The following UNC5D variants were observed in gnomAD, a reference collection of about 807,000 sequenced individuals.
UNC5D encodes unc-5 netrin receptor D.
Under a neutral mutation model 105.4 loss-of-function variants are expected in UNC5D, and 39 were observed. The ratio of observed to expected loss-of-function variants is 0.37; its 90% CI spans 0.29 to 0.48. The LOEUF (loss-of-function observed/expected upper bound fraction) is 0.48, where lower values mean the gene tolerates loss of function less well. Among genes scored for constraint, UNC5D ranks in the 20% least tolerant of loss-of-function variants. The pLI, the probability that UNC5D is intolerant of heterozygous loss-of-function variation, is 0.98. For synonymous variants in UNC5D, 452 were observed against 450.4 expected, an observed-to-expected ratio of 1.00 and a Z score of -0.04; for missense variants, 991 against 1,202.4, an observed-to-expected ratio of 0.82 and a Z score of 2.60.
chr8:35,317,398 A>G (rs982900032), intron 1 of UNC5D, among the ~76,000 whole-genome samples: 3 of 152,138 alleles, frequency 2.0e-5, no homozygotes, highest in African/African-American at 7.2e-5. Context: ...GGCTGACTTC[A>G]CTGGCCACAA....
chr8:35,722,992 T>G (rs890742241), intron 9 of UNC5D, among the ~76,000 whole-genome samples: 1 of 152,206 alleles, frequency 6.6e-6, no homozygotes, highest in African/African-American at 2.4e-5. Flanking sequence ...CTGTATCATG[T>G]CATTTTCAAA....
At chr8:35,469,759 A>G (rs927210375) in intron 1 of UNC5D, among the ~76,000 whole-genome samples, 1 of 152,240 alleles carries the variant, frequency 6.6e-6, no homozygotes, top group Admixed American at 6.5e-5. Flanking sequence ...TGAGGTTTTC[A>G]GCTCAAAATC....
chr8:35,343,003 G>C (rs1811561638), intron 1 of UNC5D, among the ~76,000 whole-genome samples: 1 of 152,024 alleles, frequency 6.6e-6, no homozygotes, highest in African/African-American at 2.4e-5. Flanking sequence ...CAGAATCACG[G>C]GGAGGTCTTA....
At chr8:35,408,001 C>T (rs1804917100) in intron 1 of UNC5D, among the ~76,000 whole-genome samples, 1 of 152,030 alleles carries the variant, frequency 6.6e-6, no homozygotes, top group East Asian at 1.9e-4. Context: ...AGTAGTGCTG[C>T]AATGAACATA....
intron 1 of UNC5D, among the ~76,000 whole-genome samples, chr8:35,526,868 C>G (rs1034949055): frequency 6.6e-6 from 1 of 152,050 alleles, no homozygotes; most frequent in Non-Finnish European, 1.5e-5. Flanking sequence ...TGGGTACCCT[C>G]TGTGACTCCA....
intron 1 of UNC5D, among the ~76,000 whole-genome samples, chr8:35,355,636 A>T (rs1237466047): frequency 6.6e-6 from 1 of 152,038 alleles, no homozygotes; most frequent in Non-Finnish European, 1.5e-5. Context: ...TCTCTTACTG[A>T]TGTGGTCTGA....
chr8:35,621,726 G>A (rs1282762522), intron 4 of UNC5D, among the ~76,000 whole-genome samples: 1 of 152,142 alleles, frequency 6.6e-6, no homozygotes, highest in Non-Finnish European at 1.5e-5. Context: ...CCACTACCCT[G>A]CAAAGGAACT....
At chr8:35,476,825 T>G (rs1248766378) in intron 1 of UNC5D, among the ~76,000 whole-genome samples, 2 of 152,196 alleles carry the variant, frequency 1.3e-5, no homozygotes, top group Non-Finnish European at 1.5e-5. Context: ...GCATACATAT[T>G]TTTTTCCATT....
chr8:35,248,788 A>G (rs1243996789), intron 1 of UNC5D, among the ~76,000 whole-genome samples: 2 of 99,790 alleles, frequency 2.0e-5, no homozygotes, highest in African/African-American at 8.2e-5. Flanking sequence ...TATATAAAAT[A>G]TAATATATAA....
Position 35,755,527 on chromosome 8 carries a change from G to A in UNC5D, c.2164-3793G>A, listed in dbSNP as rs367865810. On this transcript the variant is annotated intron_variant, in intron 13 of 16. Transcript: ENST00000404895. The stretch of plus-strand genomic sequence containing the variant: ...TCAAACAGTTTTGTCTCATAAATAT[G>A]TAAATTTAGCCTGCTTGTTTTAGTA... 6.6e-5 allele frequency among the ~76,000 whole-genome samples: 10 copies of A among 151,524 alleles called. No individual in the cohort carries two copies. The East Asian group carries it at 1.9e-3, about 29-fold the overall frequency.
chr8:35,722,476 C>G, intron 9 of UNC5D, 81 bp downstream of exon 9: 1 of 1,507,332 alleles, frequency 6.6e-7, no homozygotes, highest in Non-Finnish European at 8.9e-7. Flanking sequence ...TCTCCTGGGC[C>G]CTGTGTGAAG....
At chr8:35,434,203 A>G (rs926019721) in intron 1 of UNC5D, among the ~76,000 whole-genome samples, 1 of 152,088 alleles carries the variant, frequency 6.6e-6, no homozygotes, top group South Asian at 2.1e-4. Flanking sequence ...TTAAATCTCA[A>G]TTTCACGTGG....
intron 1 of UNC5D, among the ~76,000 whole-genome samples, chr8:35,411,535 C>T (rs1032967239): frequency 1.3e-5 from 2 of 151,956 alleles, no homozygotes; most frequent in Non-Finnish European, 2.9e-5. Flanking sequence ...TAGACACTTA[C>T]TAAATTTTTC....
At chr8:35,272,540 G>T (rs1184862445) in intron 1 of UNC5D, among the ~76,000 whole-genome samples, 2 of 152,158 alleles carry the variant, frequency 1.3e-5, no homozygotes, top group Non-Finnish European at 2.9e-5. Flanking sequence ...CTTGAACACT[G>T]CTCTGCCCTG....
intron 3 of UNC5D, among the ~76,000 whole-genome samples, chr8:35,592,368 GTATAA>G (rs1819224728): frequency 1.3e-5 from 2 of 152,218 alleles, no homozygotes; most frequent in Non-Finnish European, 2.9e-5. Flanking sequence ...TTCTCTTGTA[GTATAA>G]TTCTTGTTAT....
At chr8:35,592,328 A>T (rs1224176355) in intron 3 of UNC5D, among the ~76,000 whole-genome samples, 1 of 152,152 alleles carries the variant, frequency 6.6e-6, no homozygotes, top group East Asian at 1.9e-4. Flanking sequence ...TAGAGGAAGA[A>T]ATCTATTTTC....
chr8:35,453,600 A>T (rs140903006), intron 1 of UNC5D, among the ~76,000 whole-genome samples: 1 of 152,222 alleles, frequency 6.6e-6, no homozygotes, highest in African/African-American at 2.4e-5. Context: ...TCCTGGGAAC[A>T]GGGAAAAGAG....
intron 1 of UNC5D, among the ~76,000 whole-genome samples, chr8:35,514,045 G>T (rs934321115): frequency 4.6e-5 from 7 of 152,208 alleles, no homozygotes; most frequent in African/African-American, 7.2e-5. Context: ...GAAAAGGATG[G>T]AAAAGTCCTC....
intron 14 of UNC5D, among the ~76,000 whole-genome samples, chr8:35,761,113 G>A (rs868840637): frequency 1.3e-5 from 2 of 151,958 alleles, no homozygotes; most frequent in Admixed American, 6.6e-5. Context: ...TAAATATATT[G>A]TGTTGTTTAT....
Sources: gnomAD v4.1 joint callset for allele counts (sites outside exome capture counted in the v4.1 genomes callset) on GRCh38, gnomAD v4.1.1 for gene constraint, MANE v1.5 for transcripts, NCBI Gene and HGNC (gene_info 2026-07-23, HGNC 2026-07-21) for gene names.